Variants in JAK2 observed in about 807,000 individuals in gnomAD.
JAK2 encodes tyrosine-protein kinase JAK2.
In JAK2, 86 loss-of-function variants were observed where a neutral mutation model predicts 139.3. The observed-to-expected ratio is 0.62, with a 90% confidence interval of 0.52 to 0.74. The LOEUF is 0.74. Among genes scored for constraint, JAK2 ranks in the 30% least tolerant of loss-of-function variants. The probability of loss-of-function intolerance (pLI) is 0.00; values close to 1 mark genes in which losing one functional copy is unlikely to be tolerated. For synonymous variants in JAK2, 490 were observed against 437.7 expected (o/e 1.12, Z -1.49); for missense variants, 1,421 against 1,360.3 (o/e 1.04, Z -0.70).
At chr9:5,011,097 A>G (rs906207112) in intron 2 of JAK2, among the ~76,000 whole-genome samples, 2 of 152,118 alleles carry the variant, frequency 1.3e-5, no homozygotes, top group Non-Finnish European at 2.9e-5. Flanking sequence ...TTAAGTATGG[A>G]TTTGTATAGA....
At chr9:5,068,870 T>C (rs1818750271) in intron 10 of JAK2, 152 bp from the exon 11 acceptor site, 1 of 466,036 alleles carries the variant, frequency 2.1e-6, no homozygotes, top group African/African-American at 2.0e-5. Flanking sequence ...TTTGAGGAAC[T>C]AAGTACTTCT....
chr9:5,123,065 G>A lies in JAK2; in HGVS notation c.3121G>A (p.Gly1041Arg). Reference sequence around the variant, plus strand: ...TGTGGCCTCAGATGTTTGGAGCTTTGGAGTGGTTCTGTATGAACTTTTCAC... The same window carrying A: ...TGTGGCCTCAGATGTTTGGAGCTTTAGAGTGGTTCTGTATGAACTTTTCAC... ...FSVASDVWSF[G>R]VVLYELFTYI... The change falls in exon 23 of 25, where the codon GGA (glycine) becomes AGA (arginine). Residue 1041 changes from glycine to arginine, a missense_variant. Transcript: ENST00000381652. 6.2e-7 allele frequency: 1 copy of A among 1,611,936 alleles called. No homozygotes were observed. Among genetic ancestry groups the A allele is most frequent in the Non-Finnish European group, 8.5e-7 (1 of 1,178,612 alleles).
chr9:5,115,525 T>C (rs1040473455), intron 22 of JAK2, among the ~76,000 whole-genome samples: 16 of 152,172 alleles, frequency 1.1e-4, no homozygotes, highest in Admixed American at 7.9e-4. Context: ...GATCCAGAGT[T>C]AGAAATACCA....
intron 22 of JAK2, chr9:5,112,550 C>T: frequency 1.6e-6 from 1 of 606,566 alleles, no homozygotes; most frequent in African/African-American, 1.9e-5. Context: ...AAGCAGGTGG[C>T]CAATAACGCC....
chr9:5,085,513 T>A (rs1820017780), intron 19 of JAK2: 1 of 719,218 alleles, frequency 1.4e-6, no homozygotes, highest in South Asian at 1.4e-5. Flanking sequence ...CTGAAGAAAT[T>A]CACCACACAC....
intron 4 of JAK2, among the ~76,000 whole-genome samples, chr9:5,040,718 A>G (rs981845141): frequency 2.0e-5 from 3 of 152,264 alleles, no homozygotes; most frequent in Admixed American, 2.0e-4. Context: ...AAGATGCCCA[A>G]CAGGTGGGCC....
In JAK2 at chr9:5,129,667, G is replaced by A. The variant is rs1824216675; in HGVS notation, c.*2876G>A. ...TTAAAGTATGAATATCAGAAATACT[G>A]TGTGTTTACTCTCAGATTTTAGTTG... On this transcript the variant is annotated 3_prime_UTR_variant, in exon 25 of 25. Transcript: ENST00000381652. Among the ~76,000 whole-genome samples, 1 of 152,056 alleles carries A rather than the reference G, an allele frequency of 6.6e-6. No homozygotes were observed. Among genetic ancestry groups the A allele is most frequent in the Admixed American group, 6.6e-5 (1 of 15,260 alleles).
intron 4 of JAK2, among the ~76,000 whole-genome samples, chr9:5,032,800 A>G (rs1823266378): frequency 6.6e-6 from 1 of 152,214 alleles, no homozygotes; most frequent in African/African-American, 2.4e-5. Context: ...TGGGGAAAAA[A>G]CAGAGCAGAA....
intron 4 of JAK2, among the ~76,000 whole-genome samples, chr9:5,039,764 TAAA>T (rs563880355): frequency 8.5e-4 from 130 of 152,152 alleles, no homozygotes; most frequent in African/African-American, 2.6e-3. Context: ...GGAATAAACT[TAAA>T]GAAGTGTAAA....
chr9:5,063,823 C>G (rs1818356324), intron 8 of JAK2, among the ~76,000 whole-genome samples: 2 of 152,094 alleles, frequency 1.3e-5, no homozygotes, highest in Non-Finnish European at 2.9e-5. Flanking sequence ...ATGTAAGTAA[C>G]ATGCTGCATT....
chr9:5,073,849 A>G (rs891306442), intron 14 of JAK2, 64 bp downstream of exon 14: 1 of 1,099,850 alleles, frequency 9.1e-7, no homozygotes, highest in African/African-American at 1.6e-5. Flanking sequence ...TATATAGAAA[A>G]TTCAGTTTCA....
Position 5,126,577 on chromosome 9 carries a change from C to T in JAK2, c.3292-107C>T. 1.8e-5 allele frequency: 17 copies of T among 943,438 alleles called. No homozygotes were observed. The South Asian group carries it at 2.5e-4, about 14-fold the overall frequency. The allele number at this position is 943,438 out of a possible 1,614,324, so 58.4% of individuals were successfully genotyped here. ...ACAGCATAATCAGATGACTGTGGAA[C>T]AAGGCATGGTTATGACATGTGCCCT... On this transcript the variant is annotated intron_variant, in intron 24 of 24. Transcript: ENST00000381652.
intron 5 of JAK2, among the ~76,000 whole-genome samples, chr9:5,050,466 TTGCCATG>T (rs1342613714): frequency 6.6e-6 from 1 of 152,158 alleles, no homozygotes; most frequent in Admixed American, 6.6e-5. Context: ...AGATGAGATC[TTGCCATG>T]TTGCCCAGGC....
chr9:4,995,763 A>G (rs904344894), intron 2 of JAK2, among the ~76,000 whole-genome samples: 2 of 152,206 alleles, frequency 1.3e-5, no homozygotes, highest in African/African-American at 2.4e-5. Context: ...CTTTTTGCCA[A>G]TTATTCATTT....
chr9:5,082,394 C>T (rs1410661698), intron 19 of JAK2, among the ~76,000 whole-genome samples: 1 of 152,256 alleles, frequency 6.6e-6, no homozygotes, highest in Non-Finnish European at 1.5e-5. Flanking sequence ...CCAAACATCT[C>T]AGTGGAGTAA....
chr9:5,105,609 C>G (rs1193337921), intron 22 of JAK2, among the ~76,000 whole-genome samples: 1 of 152,076 alleles, frequency 6.6e-6, no homozygotes, highest in Non-Finnish European at 1.5e-5. Flanking sequence ...ATTGCCAAGA[C>G]CATCCTAAGC....
intron 22 of JAK2, chr9:5,091,206 G>A (rs1563995314): frequency 4.7e-6 from 1 of 211,934 alleles, no homozygotes. Flanking sequence ...GTGGTGCTGT[G>A]GGTTGTGGTA....
At chr9:5,034,754 T>C (rs1256034811) in intron 4 of JAK2, among the ~76,000 whole-genome samples, 1 of 151,054 alleles carries the variant, frequency 6.6e-6, no homozygotes, top group Admixed American at 6.6e-5. Context: ...TAGAGGGAAA[T>C]TTATAGCACT....
chr9:5,010,330 CT>C (rs954103463), intron 2 of JAK2, among the ~76,000 whole-genome samples: 201 of 144,046 alleles, frequency 1.4e-3, no homozygotes, highest in Non-Finnish European at 1.5e-3. Flanking sequence ...TGTCAGTTGT[CT>C]TTTTTTTTTT....
Sources: gnomAD v4.1 joint callset for allele counts (sites outside exome capture counted in the v4.1 genomes callset) on GRCh38, gnomAD v4.1.1 for gene constraint, MANE v1.5 for transcripts, NCBI Gene and HGNC (gene_info 2026-07-23, HGNC 2026-07-21) for gene names.